The following PYGB variants were observed in gnomAD, a reference collection of about 807,000 sequenced individuals.
PYGB encodes glycogen phosphorylase, brain form.
A neutral mutation model predicts 94.3 loss-of-function variants in PYGB; 82 were observed. The ratio of observed to expected loss-of-function variants is 0.87; its 90% CI spans 0.73 to 1.04. The LOEUF (loss-of-function observed/expected upper bound fraction) is 1.04, where lower values mean the gene tolerates loss of function less well. PYGB is among the 50% of genes least tolerant of loss of function. PYGB has a pLI of 0.00. For synonymous variants in PYGB, 488 were observed against 479.1 expected (o/e 1.02, Z -0.24); for missense variants, 1,132 against 1,158.2 (o/e 0.98, Z 0.33).
At chr20:25,261,063 C>A (rs1255609701) in intron 2 of PYGB, among the ~76,000 whole-genome samples, 2 of 152,238 alleles carry the variant, frequency 1.3e-5, no homozygotes, top group African/African-American at 4.8e-5. Context: ...CAGGGCATAG[C>A]TGAACAAAAG....
intron 1 of PYGB, among the ~76,000 whole-genome samples, chr20:25,257,154 T>C (rs970191936): frequency 4.6e-5 from 7 of 152,224 alleles, no homozygotes; most frequent in Admixed American, 2.6e-4. Flanking sequence ...CTCTGAACCA[T>C]ATTAAGGTAA....
At chr20:25,265,948 G>T (rs1377111663) in intron 2 of PYGB, among the ~76,000 whole-genome samples, 1 of 151,740 alleles carries the variant, frequency 6.6e-6, no homozygotes, top group African/African-American at 2.4e-5. Context: ...TATTAATAGC[G>T]TATCAGATAT....
At chr20:25,276,848 C>G in intron 6 of PYGB, 91 bp downstream of exon 6, 3 of 1,263,436 alleles carry the variant, frequency 2.4e-6, no homozygotes, top group Non-Finnish European at 3.4e-6. Context: ...CCCTGTGGCT[C>G]ACTGTCCTGG....
At chr20:25,250,758 T>A (rs963735780) in intron 1 of PYGB, among the ~76,000 whole-genome samples, 2 of 152,216 alleles carry the variant, frequency 1.3e-5, no homozygotes, top group African/African-American at 4.8e-5. Flanking sequence ...TGTGACACTC[T>A]AGAGCTCCTA....
chr20:25,284,706 AT>A (rs1234267219), intron 14 of PYGB, among the ~76,000 whole-genome samples: 1 of 152,258 alleles, frequency 6.6e-6, no homozygotes, highest in East Asian at 1.9e-4. Context: ...GGTTATAGGC[AT>A]GAGCCACTGT....
At chr20:25,267,227 A>G (rs546677449) in intron 2 of PYGB, among the ~76,000 whole-genome samples, 1 of 152,222 alleles carries the variant, frequency 6.6e-6, no homozygotes, top group Non-Finnish European at 1.5e-5. Context: ...GGAAGAAGCC[A>G]TGAAATATCC....
At chr20:25,279,185 G>C (rs2088343028) in intron 9 of PYGB, 36 bp downstream of exon 9, 1 of 1,598,600 alleles carries the variant, frequency 6.3e-7, no homozygotes, top group Non-Finnish European at 8.6e-7. Context: ...CCTCCCCAGA[G>C]CCTGGAGCCC....
intron 14 of PYGB, among the ~76,000 whole-genome samples, chr20:25,287,524 C>G (rs1366939584): frequency 1.3e-5 from 2 of 152,134 alleles, no homozygotes; most frequent in Non-Finnish European, 2.9e-5. Context: ...CTGTCGGTGC[C>G]TGTAGTCGCA....
chr20:25,286,717 G>A (rs374215486), intron 14 of PYGB, among the ~76,000 whole-genome samples: 12 of 152,284 alleles, frequency 7.9e-5, no homozygotes, highest in African/African-American at 2.9e-4. Flanking sequence ...GCCTTGTGAG[G>A]GTGCCCTTGT....
At chr20:25,287,677 A>C (rs1050377780) in intron 14 of PYGB, among the ~76,000 whole-genome samples, 2 of 151,850 alleles carry the variant, frequency 1.3e-5, no homozygotes, top group African/African-American at 4.8e-5. Context: ...CAACAACAAA[A>C]AAAACCCAAG....
intron 14 of PYGB, chr20:25,285,319 C>T (rs1395909771): frequency 6.6e-6 from 1 of 152,190 alleles, no homozygotes; most frequent in East Asian, 1.9e-4. Context: ...GACCCGGAGT[C>T]CTCCGCTTGC....
intron 2 of PYGB, among the ~76,000 whole-genome samples, chr20:25,265,224 A>G (rs1360053148): frequency 1.3e-5 from 2 of 152,216 alleles, no homozygotes; most frequent in African/African-American, 2.4e-5. Context: ...GGCTAGCCAT[A>G]TGTAGAAAGC....
At chr20:25,269,230 A>G (rs2088244882) in intron 3 of PYGB, 23 bp downstream of exon 3, 2 of 1,535,186 alleles carry the variant, frequency 1.3e-6, no homozygotes, top group South Asian at 1.1e-5. Context: ...ATCCAGGAGG[A>G]GCTCTCTCGG....
chr20:25,284,903 G>C (rs2088403968), intron 14 of PYGB: 1 of 152,124 alleles, frequency 6.6e-6, no homozygotes, highest in Non-Finnish European at 1.5e-5. Context: ...ATGAAACAGA[G>C]ACCCCCAAAG....
intron 10 of PYGB, among the ~76,000 whole-genome samples, 182 bp downstream of exon 10, chr20:25,280,594 A>G (rs1436670693): frequency 6.6e-6 from 1 of 152,228 alleles, no homozygotes; most frequent in Non-Finnish European, 1.5e-5. Flanking sequence ...CGCCTGGCCC[A>G]CAGCCTCAGG....
In PYGB at chr20:25,249,542, A is replaced by T. The variant is rs138217480; in HGVS notation, c.243+1121A>T. Among the ~76,000 whole-genome samples, 11 of 152,358 alleles carry T rather than the reference A, an allele frequency of 7.2e-5. No individual in the cohort carries two copies. In the East Asian group the frequency reaches 2.1e-3, roughly 29 times the overall value. On this transcript the variant is annotated intron_variant, in intron 1 of 19. Transcript: ENST00000216962. Reference sequence around the variant, plus strand: ...TAGGCAGTGAGCACTTGCTTTATGGATGGTATTTTAGAATATTTTTGTAGG... The same window carrying T: ...TAGGCAGTGAGCACTTGCTTTATGGTTGGTATTTTAGAATATTTTTGTAGG...
chr20:25,288,994 A>G (rs2257982), intron 15 of PYGB, among the ~76,000 whole-genome samples: 68,515 of 152,160 alleles, frequency 0.45, 16,056 homozygotes, highest in East Asian at 0.92. Flanking sequence ...CAGAACTGTG[A>G]GGCTGCTGTG....
chr20:25,283,063 A>G (rs2088382986), intron 12 of PYGB, 113 bp from the exon 13 acceptor site: 1 of 880,022 alleles, frequency 1.1e-6, no homozygotes, highest in South Asian at 1.5e-5. Context: ...CCGGACAAGC[A>G]GATCCCAGGG....
intron 14 of PYGB, 178 bp from the exon 15 acceptor site, chr20:25,288,247 G>A (rs145579534): frequency 1.4e-6 from 1 of 740,498 alleles, no homozygotes; most frequent in South Asian, 1.4e-5. Flanking sequence ...GTTCCTGGTG[G>A]GTGGGCAGGT....
Sources: allele counts gnomAD v4.1 joint callset (sites outside exome capture counted in the v4.1 genomes callset), GRCh38; gene constraint gnomAD v4.1.1; transcripts MANE v1.5; gene names NCBI Gene and HGNC (gene_info 2026-07-23, HGNC 2026-07-21).